Variants in PCDHGA1 observed in about 807,000 individuals in gnomAD.
The protein encoded by PCDHGA1 is protocadherin gamma-A1.
Under a neutral mutation model 58.0 loss-of-function variants are expected in PCDHGA1, and 32 were observed. That is an observed-to-expected ratio of 0.55 (90% CI 0.42 to 0.74). The LOEUF is 0.74. Ranked by LOEUF, PCDHGA1 falls within the 30% of genes least tolerant of loss-of-function variation. The pLI, the probability that PCDHGA1 is intolerant of heterozygous loss-of-function variation, is 0.00. For synonymous variants in PCDHGA1, 498 were observed against 501.1 expected, an observed-to-expected ratio of 0.99 and a Z score of 0.08; for missense variants, 1,205 against 1,182.3, an observed-to-expected ratio of 1.02 and a Z score of -0.28.
chr5:141,404,029 C>T (rs1363448), intron 1 of PCDHGA1: 736,203 of 1,612,620 alleles, frequency 0.46, 175,243 homozygotes, highest in African/African-American at 0.8. Flanking sequence ...TGAGAGAAGA[C>T]GCACCTCAGG....
At position 141,476,290 on chromosome 5, in the gene PCDHGA1, C is replaced by T. The variant is rs768208156; in HGVS notation, c.2422-18517C>T. ...TGGTCGCGAACCTTGGTTTGGATCT[C>T]GGTAGCCTCTCAGCCCGCAGGTTCC... On this transcript the variant is annotated intron_variant, in intron 1 of 3. Coordinates refer to ENST00000517417, the MANE Select transcript of PCDHGA1 (RefSeq NM_018912.3). The surrounding 1 kb of genome is among the most constrained non-coding windows in gnomAD (Gnocchi z 7.6). 1.7e-5 allele frequency: 27 copies of T among 1,613,932 alleles called. No individual in the cohort carries two copies. Among genetic ancestry groups the T allele is most frequent in the Non-Finnish European group, 2.3e-5 (27 of 1,180,018 alleles).
intron 3 of PCDHGA1, 110 bp downstream of exon 3, chr5:141,505,591 G>T: frequency 6.4e-7 from 1 of 1,570,280 alleles, no homozygotes; most frequent in Non-Finnish European, 8.7e-7. Flanking sequence ...AGTTTCTCCA[G>T]ATCTTTCGGC....
In PCDHGA1 at chr5:141,332,821, G is replaced by A. The variant is rs1756429822; in HGVS notation, c.2137G>A (p.Ala713Thr). The change falls in exon 1 of 4, where the codon GCG becomes ACG. Residue 713 changes from alanine to threonine, a missense_variant. By Grantham distance (58) the Ala-to-Thr change is moderately conservative. Transcript: ENST00000517417. This position sits in a 1 kb window ranked among gnomAD's most constrained non-coding sequence, Gnocchi z 4.6. ...CCTGGCCTTCGTCATCGTGCTGCTG[G>A]CGCACAGGCTGCGGCGCTGGCACAA... is the stretch of plus-strand genomic sequence containing the variant. The part of the protein sequence containing the change: ...VFLAFVIVLL[A>T]HRLRRWHKSR... 6.2e-7 allele frequency: 1 copy of A among 1,614,100 alleles called. No homozygotes were observed. Among genetic ancestry groups the A allele is most frequent in the African/African-American group, 1.3e-5 (1 of 74,944 alleles).
chr5:141,371,996 C>T, intron 1 of PCDHGA1: 1 of 1,613,272 alleles, frequency 6.2e-7, no homozygotes, highest in Non-Finnish European at 8.5e-7. Context: ...CTCTGCAGGC[C>T]CGCGACCAGG....
intron 1 of PCDHGA1, chr5:141,415,449 C>G: frequency 6.2e-7 from 1 of 1,614,182 alleles, no homozygotes; most frequent in Admixed American, 1.7e-5. Context: ...AGACCTATTC[C>G]CACGAGGTCT....
intron 1 of PCDHGA1, chr5:141,370,125 T>C (rs921513468): frequency 5.8e-5 from 23 of 394,142 alleles, no homozygotes; most frequent in Non-Finnish European, 9.4e-5. Context: ...GCTCCTTATT[T>C]GGAGCTGATT....
In PCDHGA1 at chr5:141,476,501, A is replaced by G; in HGVS notation, c.2422-18306A>G. 1.2e-6 allele frequency: 2 copies of G among 1,614,026 alleles called. No homozygotes were observed. Among genetic ancestry groups the G allele is most frequent in the Non-Finnish European group, 1.7e-6 (2 of 1,180,006 alleles). On this transcript the variant is annotated intron_variant, in intron 1 of 3. Coordinates refer to ENST00000517417, the MANE Select transcript of PCDHGA1 (RefSeq NM_018912.3). The surrounding 1 kb of genome is among the most constrained non-coding windows in gnomAD (Gnocchi z 7.6). ...CGTGGAAGTGGTGATCCAGGACATCAACGACAACAATCCTGCTTTCCCTAC... is the reference window on the plus strand; with the variant it reads ...CGTGGAAGTGGTGATCCAGGACATCGACGACAACAATCCTGCTTTCCCTAC...
At position 141,432,225 on chromosome 5, in the gene PCDHGA1, A is replaced by T; in HGVS notation, c.2422-62582A>T. On this transcript the variant is annotated intron_variant, in intron 1 of 3. Transcript: ENST00000517417. This position sits in a 1 kb window ranked among gnomAD's most constrained non-coding sequence, Gnocchi z 6.0. ...TGTGAAGAGAACGCCCAGATCACTT[A>T]TTCCCTGGCTGAGAACACCATCCAA... The T allele has an allele frequency of 1.2e-6, 2 of 1,614,206 alleles. No individual in the cohort carries two copies. Among genetic ancestry groups the T allele is most frequent in the South Asian group, 2.2e-5 (2 of 91,080 alleles).
At chr5:141,503,332 C>T (rs536647792) in intron 2 of PCDHGA1, among the ~76,000 whole-genome samples, 5 of 152,074 alleles carry the variant, frequency 3.3e-5, no homozygotes, top group Admixed American at 6.5e-5. Context: ...CGCGGTGGCT[C>T]ACGCCTGTAA....
chr5:141,485,680 C>T lies in PCDHGA1; in HGVS notation c.2422-9127C>T. The T allele has an allele frequency of 6.2e-7, 1 of 1,613,966 alleles. No individual in the cohort carries two copies. Among genetic ancestry groups the T allele is most frequent in the South Asian group, 1.1e-5 (1 of 91,066 alleles). The stretch of plus-strand genomic sequence containing the variant: ...ATGTGGGGAGCAATTCGATTAGCAG[C>T]TATAGGCTGAGCTCCAATGAACACT... On this transcript the variant is annotated intron_variant, in intron 1 of 3. Coordinates refer to ENST00000517417, the MANE Select transcript of PCDHGA1 (RefSeq NM_018912.3). The surrounding 1 kb of genome is among the most constrained non-coding windows in gnomAD (Gnocchi z 5.7).
At position 141,339,198 on chromosome 5, in the gene PCDHGA1, C is replaced by A. The variant is rs878978535; in HGVS notation, c.2421+6093C>A. On this transcript the variant is annotated intron_variant, in intron 1 of 3. Coordinates refer to ENST00000517417, the MANE Select transcript of PCDHGA1 (RefSeq NM_018912.3). ...TCCAGAGGTAGGTCCCAGCTCTTTG[C>A]TCTGAACCCGCGAAGCGGCAGCTTG... The A allele has an allele frequency of 3.7e-6, 6 of 1,613,984 alleles. No individual in the cohort carries two copies. The South Asian group carries it at 6.6e-5, about 18-fold the overall frequency.
intron 1 of PCDHGA1, among the ~76,000 whole-genome samples, chr5:141,434,766 A>T (rs1383531828): frequency 1.3e-5 from 2 of 151,012 alleles, no homozygotes; most frequent in Non-Finnish European, 3.0e-5. Context: ...CCCACTTCAC[A>T]CTTCTAAAAA....
At chr5:141,397,381 T>G (rs966351267) in intron 1 of PCDHGA1, among the ~76,000 whole-genome samples, 1 of 152,228 alleles carries the variant, frequency 6.6e-6, no homozygotes, top group Non-Finnish European at 1.5e-5. Flanking sequence ...GGGATTGGTA[T>G]AAAATTGCCA....
intron 1 of PCDHGA1, among the ~76,000 whole-genome samples, chr5:141,467,441 T>C (rs919148544): frequency 6.6e-6 from 1 of 152,340 alleles, no homozygotes; most frequent in African/African-American, 2.4e-5. Context: ...CATTCATTAC[T>C]TTTTTCTTCC....
intron 1 of PCDHGA1, chr5:141,374,277 G>C: frequency 1.2e-6 from 2 of 1,613,958 alleles, no homozygotes; most frequent in African/African-American, 1.3e-5. Context: ...CACGGAGTCC[G>C]CATCGTCTCC....
At position 141,408,387 on chromosome 5, in the gene PCDHGA1, C is replaced by T. The variant is rs774250271; in HGVS notation, c.2421+75282C>T. Reference sequence around the variant, plus strand: ...CTAGGGCTCAGTGTCCTGGATGTGTCGGCTCGCAAGCTGCGAGTGAGCGCG... The same window carrying T: ...CTAGGGCTCAGTGTCCTGGATGTGTTGGCTCGCAAGCTGCGAGTGAGCGCG... On this transcript the variant is annotated intron_variant, in intron 1 of 3. Transcript: ENST00000517417. 1.2e-5 allele frequency: 20 copies of T among 1,613,890 alleles called. No homozygotes were observed. Among genetic ancestry groups the T allele is most frequent in the Non-Finnish European group, 1.6e-5 (19 of 1,179,880 alleles).
At chr5:141,475,657 C>T (rs2099366732) in intron 1 of PCDHGA1, among the ~76,000 whole-genome samples, 1 of 152,204 alleles carries the variant, frequency 6.6e-6, no homozygotes, top group Non-Finnish European at 1.5e-5. Flanking sequence ...GAAAGTGATT[C>T]AAATGTTTAA....
intron 1 of PCDHGA1, among the ~76,000 whole-genome samples, chr5:141,451,072 C>A (rs2098705989): frequency 6.6e-6 from 1 of 152,026 alleles, no homozygotes; most frequent in African/African-American, 2.4e-5. Context: ...TTGTGATCCA[C>A]CCACCTTGAC....
rs371852258 is a variant in PCDHGA1 at position 141,333,123 on chromosome 5, A to G, written c.2421+18A>G. The G allele has an allele frequency of 6.2e-7, 1 of 1,614,012 alleles. No homozygotes were observed. Among genetic ancestry groups the G allele is most frequent in the African/African-American group, 1.3e-5 (1 of 74,906 alleles). On this transcript the variant is annotated intron_variant, in intron 1 of 3. Coordinates refer to ENST00000517417, the MANE Select transcript of PCDHGA1 (RefSeq NM_018912.3). ...TTTCTCAGGTAAACTTTTGTGATGA[A>G]TGTATCAGCTATCTAGAGAAAAATA...
Sources: allele counts gnomAD v4.1 joint callset (sites outside exome capture counted in the v4.1 genomes callset), GRCh38; gene constraint gnomAD v4.1.1; non-coding constraint Gnocchi (gnomAD v3.1); transcripts MANE v1.5; gene names NCBI Gene and HGNC (gene_info 2026-07-23, HGNC 2026-07-21).